Variants in MRM1 observed in about 807,000 individuals in gnomAD.
The protein encoded by MRM1 is mitochondrial rRNA methyltransferase 1, also known as rRNA methyltransferase 1, mitochondrial.
Under a neutral mutation model 25.0 loss-of-function variants are expected in MRM1, and 24 were observed. That is an observed-to-expected ratio of 0.96 (90% CI 0.69 to 1.35). The LOEUF (loss-of-function observed/expected upper bound fraction) is 1.35, where lower values mean the gene tolerates loss of function less well. Among genes scored for constraint, MRM1 ranks in the 40% most tolerant of loss-of-function variants. The pLI, the probability that MRM1 is intolerant of heterozygous loss-of-function variation, is 0.00. For synonymous variants in MRM1, 188 were observed against 199.2 expected, an observed-to-expected ratio of 0.94 and a Z score of 0.47; for missense variants, 431 against 464.1, an observed-to-expected ratio of 0.93 and a Z score of 0.65.
the MRM1 span, among the ~76,000 whole-genome samples, chr17:36,631,310 G>A: frequency 6.6e-6 from 1 of 152,204 alleles, no homozygotes; most frequent in Admixed American, 6.5e-5. Context: ...GAGCACAGGG[G>A]ATCTGTAAAC....
Position 36,602,751 on chromosome 17 carries a change from C to A in MRM1, c.636+105C>A. On this transcript the variant is annotated intron_variant, in intron 2 of 4. Coordinates refer to ENST00000614766, the MANE Select transcript of MRM1 (RefSeq NM_024864.5). The surrounding 1 kb of genome is among the most constrained non-coding windows in gnomAD (Gnocchi z 4.1). ...GGGAGAGAAAGGGGCATGTTGGCAC[C>A]GCTTCCTTTGGCCTTCTAAATCCCT... 2 of 1,413,282 alleles carry A rather than the reference C, an allele frequency of 1.4e-6. No individual in the cohort carries two copies. Among genetic ancestry groups the A allele is most frequent in the South Asian group, 1.2e-5 (1 of 82,984 alleles). 87.5% of individuals were successfully genotyped at this position (1,413,282 alleles called of 1,614,324 possible). A position where few individuals can be genotyped will look rare whatever the true frequency, so the allele number is the denominator to read the frequency against.
chr17:36,608,222 C>G (rs370833430), intron 4 of MRM1, 21 bp from the exon 5 acceptor site: 1 of 1,546,928 alleles, frequency 6.5e-7, no homozygotes, highest in Non-Finnish European at 8.7e-7. Context: ...CCTCTCTTCC[C>G]TTGTCCTTGT....
At position 36,602,038 on chromosome 17, in the gene MRM1, G is replaced by A. The variant is rs754776783; in HGVS notation, c.228G>A (p.Ala76=). 3.1e-6 allele frequency: 5 copies of A among 1,610,152 alleles called. No homozygotes were observed. The highest frequency in any genetic ancestry group is 4.2e-6 in the Non-Finnish European group (5 of 1,178,664). ...CTGTGGCCCGGCTCCTGCTCCAGGCGGGTAAAGCTGGGCTGCAGGGGAAGC... is the reference window on the plus strand; with the variant it reads ...CTGTGGCCCGGCTCCTGCTCCAGGCAGGTAAAGCTGGGCTGCAGGGGAAGC... ...RRSVARLLLQ[A]GKAGLQGKRA... Residue 76 remains alanine, a synonymous_variant, in exon 1 of 5, where the codon GCG becomes GCA. Transcript: ENST00000614766. The surrounding 1 kb of genome is among the most constrained non-coding windows in gnomAD (Gnocchi z 4.1).
the MRM1 span, among the ~76,000 whole-genome samples, chr17:36,632,732 C>T: frequency 6.6e-6 from 1 of 152,124 alleles, no homozygotes; most frequent in Non-Finnish European, 1.5e-5. Context: ...AGTAAATGTC[C>T]TTTCCAGGAC....
At chr17:36,615,918 G>C in the MRM1 span, among the ~76,000 whole-genome samples, 2 of 151,078 alleles carry the variant, frequency 1.3e-5, no homozygotes, top group African/African-American at 2.4e-5. Context: ...ACTTGAACCT[G>C]GGAGGCAGAG....
chr17:36,629,028 C>T, the MRM1 span, among the ~76,000 whole-genome samples: 1 of 152,088 alleles, frequency 6.6e-6, no homozygotes, highest in Non-Finnish European at 1.5e-5. Context: ...ACGGTGGGGC[C>T]TCTTCTGGGT....
At chr17:36,623,376 A>T in the MRM1 span, among the ~76,000 whole-genome samples, 1 of 152,256 alleles carries the variant, frequency 6.6e-6, no homozygotes, top group African/African-American at 2.4e-5. Flanking sequence ...ACAAGGTGCA[A>T]TTAAACTCTG....
chr17:36,632,425 G>A, the MRM1 span, among the ~76,000 whole-genome samples: 845 of 152,298 alleles, frequency 5.5e-3, 9 homozygotes, highest in African/African-American at 0.019. Context: ...GACTTGGCCA[G>A]GCTGGGTTCA....
intron 2 of MRM1, 119 bp from the exon 3 acceptor site, chr17:36,607,551 C>A: frequency 8.2e-7 from 1 of 1,214,900 alleles, no homozygotes; most frequent in Non-Finnish European, 1.1e-6. Flanking sequence ...AGAACCCAGG[C>A]GGTTGAGGCT....
the MRM1 span, among the ~76,000 whole-genome samples, chr17:36,628,795 T>G: frequency 5.3e-5 from 8 of 152,292 alleles, no homozygotes; most frequent in South Asian, 1.7e-3. Context: ...AAGTAAGGCT[T>G]AGAAATTTCA....
chr17:36,625,387 C>G, the MRM1 span, among the ~76,000 whole-genome samples: 5 of 84,168 alleles, frequency 5.9e-5, no homozygotes, highest in Admixed American at 2.8e-4. Flanking sequence ...CCTCTTCGCT[C>G]TTCGTCTTCT....
At chr17:36,617,366 C>T in the MRM1 span, among the ~76,000 whole-genome samples, 2 of 151,560 alleles carry the variant, frequency 1.3e-5, no homozygotes, top group Non-Finnish European at 2.9e-5. Context: ...TATGGTAGAC[C>T]TTCAATAACC....
chr17:36,628,580 C>A, the MRM1 span, among the ~76,000 whole-genome samples: 1 of 152,008 alleles, frequency 6.6e-6, no homozygotes, highest in Non-Finnish European at 1.5e-5. Context: ...GCTCCGAGAC[C>A]AAGAGAATGA....
chr17:36,617,823 T>C, the MRM1 span, among the ~76,000 whole-genome samples: 3 of 152,152 alleles, frequency 2.0e-5, no homozygotes, highest in Non-Finnish European at 2.9e-5. Flanking sequence ...TGATGAGCTC[T>C]GTCCTGTCTG....
the MRM1 span, among the ~76,000 whole-genome samples, chr17:36,632,802 A>G: frequency 6.6e-6 from 1 of 152,124 alleles, no homozygotes; most frequent in African/African-American, 2.4e-5. Flanking sequence ...GTGAAGAAGG[A>G]GCAGCATTAA....
chr17:36,602,472 TAGCCCTTGGG>T lies in MRM1; in HGVS notation c.543-74_543-65del, dbSNP rs2074886235. 1 of 1,602,502 alleles carries T rather than the reference TAGCCCTTGGG, an allele frequency of 6.2e-7. No homozygotes were observed. The highest frequency in any genetic ancestry group is 1.3e-5 in the African/African-American group (1 of 74,740). On this transcript the variant is annotated intron_variant, in intron 1 of 4. Transcript: ENST00000614766. This position sits in a 1 kb window ranked among gnomAD's most constrained non-coding sequence, Gnocchi z 4.1. Reference sequence around the variant, plus strand: ...ACCTGTCCCAGAACTCTCATCCCCCTAGCCCTTGGGAGCCCTGGGAGGGTAGGGAGCCGGG... The same window carrying T: ...ACCTGTCCCAGAACTCTCATCCCCCTAGCCCTGGGAGGGTAGGGAGCCGGG...
the MRM1 span, among the ~76,000 whole-genome samples, chr17:36,630,198 A>G: frequency 1.3e-5 from 2 of 152,164 alleles, no homozygotes; most frequent in Non-Finnish European, 2.9e-5. Flanking sequence ...GGCATCTTGC[A>G]TTATTTCCCT....
the MRM1 span, among the ~76,000 whole-genome samples, chr17:36,627,674 G>GTTTTTTTTTT: frequency 1.2e-5 from 1 of 83,728 alleles, no homozygotes; most frequent in Admixed American, 1.4e-4. Context: ...TTTGGACACT[G>GTTTTTTTTTT]TTTTTTTTTT....
the MRM1 span, among the ~76,000 whole-genome samples, chr17:36,617,845 C>T: frequency 1.3e-5 from 2 of 152,142 alleles, no homozygotes; most frequent in African/African-American, 4.8e-5. Context: ...CTGCCCTGGC[C>T]GGGTCACTGG....
Sources: gnomAD v4.1 joint callset for allele counts (sites outside exome capture counted in the v4.1 genomes callset) on GRCh38, gnomAD v4.1.1 for gene constraint, Gnocchi (gnomAD v3.1) non-coding constraint, MANE v1.5 for transcripts, NCBI Gene and HGNC (gene_info 2026-07-23, HGNC 2026-07-21) for gene names.